NDST4: variants seen among roughly 807,000 people sequenced by gnomAD.
NDST4 encodes N-deacetylase and N-sulfotransferase 4.
Under a neutral mutation model 100.8 loss-of-function variants are expected in NDST4, and 63 were observed. The ratio of observed to expected loss-of-function variants is 0.62; its 90% CI spans 0.51 to 0.77. The LOEUF (loss-of-function observed/expected upper bound fraction) is 0.77. Ranked by LOEUF, NDST4 falls within the 30% of genes least tolerant of loss-of-function variation. The pLI, the probability that NDST4 is intolerant of heterozygous loss-of-function variation, is 0.00. For missense variants in NDST4, 943 were observed against 1,018.4 expected (o/e 0.93, Z 1.01); for synonymous variants, 377 against 361.8 (o/e 1.04, Z -0.48).
chr4:115,038,470 A>G (rs965576143), intron 2 of NDST4, among the ~76,000 whole-genome samples: 2 of 152,136 alleles, frequency 1.3e-5, no homozygotes, highest in Non-Finnish European at 2.9e-5. Context: ...CTGGGGATAA[A>G]CAGCCTAAGT....
At chr4:114,864,260 A>G (rs1723977996) in intron 7 of NDST4, among the ~76,000 whole-genome samples, 1 of 152,174 alleles carries the variant, frequency 6.6e-6, no homozygotes, top group Admixed American at 6.5e-5. Context: ...TGATAGAAGG[A>G]TTATTTTACT....
rs144219294 is a variant in NDST4, at chr4:115,085,063, C to T, written c.-246-7781G>A. Among the ~76,000 whole-genome samples, 1,061 of 152,246 alleles carry T rather than the reference C, an allele frequency of 7.0e-3. 4 individuals are homozygous for T. The highest frequency in any genetic ancestry group is 0.014 in the Middle Eastern group (4 of 294). On this transcript the variant is annotated intron_variant, in intron 1 of 13. Coordinates refer to ENST00000264363, the MANE Select transcript of NDST4 (RefSeq NM_022569.3). ...TGAAAAGCTACAGGGGTGGAGCTCC[C>T]CAAGGCCATGGGAGCCCACCTCTTG...
At chr4:115,013,370 T>TATATATACAC (rs74678897) in intron 2 of NDST4, among the ~76,000 whole-genome samples, 23 of 71,450 alleles carry the variant, frequency 3.2e-4, no homozygotes, top group African/African-American at 5.8e-4. Context: ...TATATATATA[T>TATATATACAC]ACACACACAT....
intron 2 of NDST4, among the ~76,000 whole-genome samples, chr4:114,996,017 C>T (rs1323838600): frequency 6.6e-6 from 1 of 152,058 alleles, no homozygotes; most frequent in Non-Finnish European, 1.5e-5. Context: ...CATAATATTG[C>T]TGACATTTCC....
chr4:114,877,911 C>T, intron 6 of NDST4, among the ~76,000 whole-genome samples: 1 of 149,104 alleles, frequency 6.7e-6, no homozygotes. Context: ...GAGATCATGC[C>T]ACTGCATTAC....
intron 2 of NDST4, among the ~76,000 whole-genome samples, chr4:115,019,781 T>A (rs1727769449): frequency 1.3e-5 from 2 of 152,008 alleles, no homozygotes; most frequent in African/African-American, 4.8e-5. Flanking sequence ...ATAATGCTAG[T>A]ATTGGGGGAA....
intron 4 of NDST4, among the ~76,000 whole-genome samples, chr4:114,966,681 T>C (rs1330458941): frequency 2.0e-5 from 3 of 152,120 alleles, no homozygotes. Context: ...TTTTTATCTG[T>C]ATGAATTGTT....
intron 11 of NDST4, among the ~76,000 whole-genome samples, chr4:114,838,675 G>T (rs1013905277): frequency 6.6e-6 from 1 of 152,098 alleles, no homozygotes; most frequent in African/African-American, 2.4e-5. Context: ...TCAGGGGTGT[G>T]GGGCAAGGCG....
At chr4:114,840,206 C>T (rs574485530) in intron 10 of NDST4, among the ~76,000 whole-genome samples, 14 of 152,262 alleles carry the variant, frequency 9.2e-5, no homozygotes, top group South Asian at 4.1e-4. Context: ...TGCTAATTCA[C>T]GAATACTGCT....
rs1022387319 is a variant in NDST4 at position 114,892,406 on chromosome 4, C to T, written c.1537-21456G>A. The stretch of plus-strand genomic sequence containing the variant: ...GTAAATAAAAATTGTTTCTATTAGC[C>T]GTAGTATCTATTTGTGCAAGTTGTC... On this transcript the variant is annotated intron_variant, in intron 6 of 13. Coordinates refer to ENST00000264363, the MANE Select transcript of NDST4 (RefSeq NM_022569.3). 3.3e-5 allele frequency among the ~76,000 whole-genome samples: 5 copies of T among 152,032 alleles called. No homozygotes were observed. The East Asian group carries it at 5.8e-4, about 18-fold the overall frequency.
chr4:114,848,629 T>C (rs1723605686), intron 8 of NDST4, among the ~76,000 whole-genome samples: 2 of 152,158 alleles, frequency 1.3e-5, no homozygotes, highest in Admixed American at 1.3e-4. Context: ...AGCTCAACTT[T>C]CCTCCAGGAG....
rs1560845362 is a variant in NDST4, at chr4:114,986,815, TATATATATATA to T, written c.979-9552_979-9542del. Among the ~76,000 whole-genome samples, 3 of 123,882 alleles carry T rather than the reference TATATATATATA, an allele frequency of 2.4e-5. No individual in the cohort carries two copies. The Admixed American group carries it at 2.5e-4, about 10-fold the overall frequency. 81.3% of individuals were successfully genotyped at this position (123,882 alleles called of 152,430 possible). A position where few individuals can be genotyped will look rare whatever the true frequency, so the allele number is the denominator to read the frequency against. ...ATACATATATATATATATATATATA[TATATATATATA>T]TATATATTTTAATATACTATTCCTA... On this transcript the variant is annotated intron_variant, in intron 2 of 13. Transcript: ENST00000264363.
At position 114,977,557 on chromosome 4, in the gene NDST4, G is replaced by A. The variant is rs552136355; in HGVS notation, c.979-283C>T. On this transcript the variant is annotated intron_variant, in intron 2 of 13. Transcript: ENST00000264363. ...AGCACTGAAATCATTTTTCATTTCT[G>A]TGTGAGACATTTCTTGAACTTTGGA... Among the ~76,000 whole-genome samples the A allele has an allele frequency of 2.6e-5, 4 of 152,096 alleles. No homozygotes were observed. In the South Asian group the frequency reaches 8.3e-4, roughly 31 times the overall value.
chr4:114,966,840 C>T, intron 4 of NDST4, among the ~76,000 whole-genome samples: 1 of 152,040 alleles, frequency 6.6e-6, no homozygotes, highest in African/African-American at 2.4e-5. Context: ...TTATCTGGTC[C>T]AGTGCCTTTG....
intron 2 of NDST4, among the ~76,000 whole-genome samples, chr4:115,018,810 A>G (rs533900960): frequency 2.0e-5 from 3 of 152,082 alleles, no homozygotes; most frequent in East Asian, 3.9e-4. Flanking sequence ...AAATATATTA[A>G]TATCAATACA....
chr4:115,083,212 A>T (rs1729337909), intron 1 of NDST4, among the ~76,000 whole-genome samples: 1 of 152,168 alleles, frequency 6.6e-6, no homozygotes, highest in Admixed American at 6.5e-5. Flanking sequence ...GCACTTTGGG[A>T]GTCTGAGGCT....
rs1262581740 is a variant in NDST4 at position 115,022,372 on chromosome 4, C to CATATAT, written c.979-45099_979-45098insATATAT. 5.3e-3 allele frequency among the ~76,000 whole-genome samples: 684 copies of CATATAT among 128,104 alleles called. 85 individuals are homozygous for CATATAT. The highest frequency in any genetic ancestry group is 0.017 in the African/African-American group (617 of 35,908). The allele number at this position is 128,104 out of a possible 152,430, so 84.0% of individuals were successfully genotyped here. A position where few individuals can be genotyped will look rare whatever the true frequency, so the allele number is the denominator to read the frequency against. ...ATGTGTTCCACGTACATATGTGTTC[C>CATATAT]ATGTACATATGTGTTCCATATATAT... On this transcript the variant is annotated intron_variant, in intron 2 of 13. Coordinates refer to ENST00000264363, the MANE Select transcript of NDST4 (RefSeq NM_022569.3).
rs139104995 is a variant in NDST4 at position 114,850,225 on chromosome 4, A to T, written c.1817-1887T>A. 7.9e-3 allele frequency among the ~76,000 whole-genome samples: 1,209 copies of T among 152,278 alleles called. 9 individuals are homozygous for T. Among genetic ancestry groups the T allele is most frequent in the South Asian group, 0.01 (50 of 4,824 alleles). On this transcript the variant is annotated intron_variant, in intron 8 of 13. Coordinates refer to ENST00000264363, the MANE Select transcript of NDST4 (RefSeq NM_022569.3). Reference sequence around the variant, plus strand: ...TTAGTTGTTGATTATCTAAATATAGACACTTTATAGCCTCACTCAGTAATA... The same window carrying T: ...TTAGTTGTTGATTATCTAAATATAGTCACTTTATAGCCTCACTCAGTAATA...
Position 114,947,767 on chromosome 4 carries a change from A to C in NDST4, c.1222-10264T>G, listed in dbSNP as rs925377818. On this transcript the variant is annotated intron_variant, in intron 4 of 13. Coordinates refer to ENST00000264363, the MANE Select transcript of NDST4 (RefSeq NM_022569.3). ...TTGTCTTAAGTAACGACTACATGTA[A>C]ATATCTTGGCATATTTCTCTTCATT... Among the ~76,000 whole-genome samples, 7 of 152,128 alleles carry C rather than the reference A, an allele frequency of 4.6e-5. No individual in the cohort carries two copies. In the East Asian group the frequency reaches 1.4e-3, roughly 29 times the overall value.
Sources: gnomAD v4.1 joint callset for allele counts (sites outside exome capture counted in the v4.1 genomes callset) on GRCh38, gnomAD v4.1.1 for gene constraint, MANE v1.5 for transcripts, NCBI Gene and HGNC (gene_info 2026-07-23, HGNC 2026-07-21) for gene names.